ITPR1: variants seen among roughly 807,000 people sequenced by gnomAD.
The protein encoded by ITPR1 is inositol 1,4,5-trisphosphate receptor type 1.
In ITPR1, 96 loss-of-function variants were observed where a neutral mutation model predicts 318.4. The ratio of observed to expected loss-of-function variants is 0.30; its 90% CI spans 0.26 to 0.36. ITPR1 has a LOEUF of 0.36. Among genes scored for constraint, ITPR1 ranks in the 10% least tolerant of loss-of-function variants. The pLI, the probability that ITPR1 is intolerant of heterozygous loss-of-function variation, is 1.00. For missense variants in ITPR1, 2,440 were observed against 3,460.2 expected (o/e 0.71, Z 7.40); for synonymous variants, 1,312 against 1,289.9 (o/e 1.02, Z -0.37).
Position 4,693,388 on chromosome 3 carries a change from T to C in ITPR1, c.4030-102T>C. On this transcript the variant is annotated intron_variant, in intron 32 of 61. Coordinates refer to ENST00000649015, the MANE Select transcript of ITPR1 (RefSeq NM_001378452.1). The stretch of plus-strand genomic sequence containing the variant: ...AATAGGTAAGACTGATTTGGGAAGA[T>C]AAATGCTAACAGAACCTCTCTCTTC... 3.9e-6 allele frequency: 5 copies of C among 1,293,754 alleles called. No individual in the cohort carries two copies. The South Asian group carries it at 4.1e-5, about 11-fold the overall frequency. 80.1% of individuals were successfully genotyped at this position (1,293,754 alleles called of 1,614,324 possible).
At chr3:4,512,816 A>T (rs1212417214) in intron 2 of ITPR1, among the ~76,000 whole-genome samples, 1 of 152,090 alleles carries the variant, frequency 6.6e-6, no homozygotes, top group Non-Finnish European at 1.5e-5. Flanking sequence ...GAAAGCAGAG[A>T]GGTTGTGGTG....
chr3:4,619,599 TGCTCTCCTCTGCCC>T (rs1434016115), intron 4 of ITPR1, among the ~76,000 whole-genome samples: 15 of 29,228 alleles, frequency 5.1e-4, no homozygotes, highest in Admixed American at 2.8e-3. Flanking sequence ...TGCCCTCCCC[TGCTCTCCTCTGCCC>T]TCCCCTGCTC....
intron 4 of ITPR1, among the ~76,000 whole-genome samples, chr3:4,609,060 A>G (rs1237664661): frequency 1.3e-5 from 1 of 77,110 alleles, no homozygotes; most frequent in Non-Finnish European, 2.2e-5. Flanking sequence ...AAATATATAT[A>G]TATATATATA....
intron 4 of ITPR1, among the ~76,000 whole-genome samples, chr3:4,601,701 A>C (rs1218411899): frequency 6.6e-6 from 1 of 152,182 alleles, no homozygotes; most frequent in Non-Finnish European, 1.5e-5. Flanking sequence ...AAATTAGATA[A>C]ATTGCACTTC....
At chr3:4,636,384 T>C (rs939472827) in intron 5 of ITPR1, among the ~76,000 whole-genome samples, 7 of 152,212 alleles carry the variant, frequency 4.6e-5, no homozygotes, top group African/African-American at 1.7e-4. Flanking sequence ...GTATTAACTC[T>C]TAGTTTAACA....
chr3:4,705,860 A>C (rs2094746025), intron 36 of ITPR1, among the ~76,000 whole-genome samples: 1 of 152,214 alleles, frequency 6.6e-6, no homozygotes, highest in African/African-American at 2.4e-5. Flanking sequence ...CACACACCTC[A>C]GTGACCCTAA....
intron 23 of ITPR1, among the ~76,000 whole-genome samples, chr3:4,675,672 A>G (rs2094169500): frequency 6.6e-6 from 1 of 152,174 alleles, no homozygotes; most frequent in Non-Finnish European, 1.5e-5. Flanking sequence ...GATGTAAGAA[A>G]ATCCAGGCTT....
At chr3:4,816,787 G>A (rs148858801) in intron 59 of ITPR1, among the ~76,000 whole-genome samples, 32 of 152,232 alleles carry the variant, frequency 2.1e-4, no homozygotes, top group African/African-American at 6.0e-4. Context: ...TGTAAATATC[G>A]TGCTATTCCT....
intron 20 of ITPR1, 126 bp from the exon 21 acceptor site, chr3:4,673,010 G>A: frequency 6.3e-6 from 6 of 948,120 alleles, no homozygotes; most frequent in Non-Finnish European, 9.3e-6. Context: ...CAATTTAGGG[G>A]TGTTGATGTA....
intron 52 of ITPR1, among the ~76,000 whole-genome samples, chr3:4,788,832 G>T (rs111376585): frequency 0.012 from 1,805 of 152,264 alleles, 39 homozygotes; most frequent in African/African-American, 0.041. Flanking sequence ...ATTTCTATCT[G>T]TTCATCAGGA....
chr3:4,527,509 G>T (rs2083078442), intron 4 of ITPR1, among the ~76,000 whole-genome samples: 1 of 152,276 alleles, frequency 6.6e-6, no homozygotes, highest in East Asian at 1.9e-4. Context: ...GCCCCAACCA[G>T]CTGTGGGATG....
chr3:4,558,506 T>A (rs1226515680), intron 4 of ITPR1, among the ~76,000 whole-genome samples: 3 of 152,048 alleles, frequency 2.0e-5, no homozygotes, highest in Non-Finnish European at 4.4e-5. Context: ...TGGAAAGACG[T>A]GGAAAAGTGA....
chr3:4,614,106 A>G (rs992262101), intron 4 of ITPR1, among the ~76,000 whole-genome samples: 7 of 152,198 alleles, frequency 4.6e-5, no homozygotes, highest in African/African-American at 1.7e-4. Flanking sequence ...AATGACTGTG[A>G]TACAAAAAAA....
intron 2 of ITPR1, among the ~76,000 whole-genome samples, chr3:4,499,837 A>G (rs181571971): frequency 2.0e-5 from 3 of 152,260 alleles, no homozygotes; most frequent in East Asian, 1.9e-4. Context: ...GGGTCTCACT[A>G]TGTTGCCTCG....
At chr3:4,720,661 T>C (rs886449814) in intron 40 of ITPR1, among the ~76,000 whole-genome samples, 1 of 152,158 alleles carries the variant, frequency 6.6e-6, no homozygotes, top group African/African-American at 2.4e-5. Context: ...AACTTTGCCC[T>C]CCTGCATTGC....
At position 4,562,087 on chromosome 3, in the gene ITPR1, TTAAA is replaced by T. The variant is rs35311121; in HGVS notation, c.163+41015_163+41018del. 2.9e-3 allele frequency among the ~76,000 whole-genome samples: 438 copies of T among 149,026 alleles called. 2 individuals are homozygous for T. Among genetic ancestry groups the T allele is most frequent in the African/African-American group, 0.01 (405 of 40,480 alleles). On this transcript the variant is annotated intron_variant, in intron 4 of 61. Coordinates refer to ENST00000649015, the MANE Select transcript of ITPR1 (RefSeq NM_001378452.1). ...AATACACTAACAACAGCTTATGAGC[TTAAA>T]TAAATAAATAAATAAATAAATGCAA...
chr3:4,688,924 T>C (rs764339334), intron 31 of ITPR1, among the ~76,000 whole-genome samples: 1 of 152,226 alleles, frequency 6.6e-6, no homozygotes, highest in Non-Finnish European at 1.5e-5. Context: ...GTGCTAAATG[T>C]CTCTCCTGCC....
intron 16 of ITPR1, 37 bp from the exon 17 acceptor site, chr3:4,665,101 A>C: frequency 6.2e-7 from 1 of 1,612,458 alleles, no homozygotes; most frequent in South Asian, 1.1e-5. Flanking sequence ...TGAAGCCCTA[A>C]GTGATTGCCA....
intron 30 of ITPR1, among the ~76,000 whole-genome samples, chr3:4,686,094 G>A (rs984695733): frequency 5.3e-5 from 8 of 152,208 alleles, no homozygotes; most frequent in Non-Finnish European, 1.2e-4. Context: ...TGGATGAGAT[G>A]GGTGGTGCTA....
Sources: allele counts gnomAD v4.1 joint callset (sites outside exome capture counted in the v4.1 genomes callset), GRCh38; gene constraint gnomAD v4.1.1; transcripts MANE v1.5; gene names NCBI Gene and HGNC (gene_info 2026-07-23, HGNC 2026-07-21).